ADGRL3: variants seen among roughly 807,000 people sequenced by gnomAD.
The protein encoded by ADGRL3 is calcium-independent alpha-latrotoxin receptor 3.
ADGRL3 carries 62 observed loss-of-function variants against 153.5 expected under a neutral mutation model. That is an observed-to-expected ratio of 0.40 (90% confidence interval 0.33 to 0.50). The LOEUF is 0.50. Ranked by LOEUF, ADGRL3 falls within the 20% of genes least tolerant of loss-of-function variation. The pLI, the probability that ADGRL3 is intolerant of heterozygous loss-of-function variation, is 0.47. For missense variants in ADGRL3, 1,641 were observed against 1,859.4 expected (o/e 0.88, Z 2.16); for synonymous variants, 710 against 672.5 (o/e 1.06, Z -0.86).
intron 7 of ADGRL3, among the ~76,000 whole-genome samples, chr4:61,731,431 A>AT (rs2096440638): frequency 6.6e-6 from 1 of 152,048 alleles, no homozygotes; most frequent in African/African-American, 2.4e-5. Context: ...AATTACTGTG[A>AT]TTTTCTAATT....
intron 11 of ADGRL3, among the ~76,000 whole-genome samples, chr4:61,906,001 T>C (rs1385914158): frequency 1.3e-5 from 2 of 151,910 alleles, no homozygotes; most frequent in Non-Finnish European, 2.9e-5. Flanking sequence ...GGATTTCTCT[T>C]TTCATTATAG....
intron 24 of ADGRL3, among the ~76,000 whole-genome samples, chr4:62,040,622 A>G (rs951415192): frequency 2.0e-5 from 3 of 152,120 alleles, no homozygotes; most frequent in Admixed American, 6.6e-5. Context: ...AGTGCCTCCT[A>G]TATAATGCCA....
chr4:61,353,479 A>G (rs1416645002), intron 1 of ADGRL3, among the ~76,000 whole-genome samples: 1 of 152,144 alleles, frequency 6.6e-6, no homozygotes, highest in Admixed American at 6.6e-5. Context: ...TTAAAAATAC[A>G]TATATGTAAA....
At chr4:61,395,784 T>C (rs2096861564) in intron 2 of ADGRL3, among the ~76,000 whole-genome samples, 1 of 151,900 alleles carries the variant, frequency 6.6e-6, no homozygotes, top group African/African-American at 2.4e-5. Flanking sequence ...TGAAAATGTT[T>C]TAACTGGCAT....
chr4:61,604,450 G>A (rs545724695), intron 5 of ADGRL3, among the ~76,000 whole-genome samples: 1 of 152,108 alleles, frequency 6.6e-6, no homozygotes, highest in African/African-American at 2.4e-5. Flanking sequence ...TTTTTCTCTT[G>A]GAATGAAACA....
rs533428009 is a variant in ADGRL3 at position 61,637,763 on chromosome 4, C to A, written c.474-39063C>A. On this transcript the variant is annotated intron_variant, in intron 5 of 26. Transcript: ENST00000683033. ...GTGACAGAGTGAAACTCTGTTCCCC[C>A]ACCCCCCAAAAACGTCAATAGGAAA... 1.5e-4 allele frequency among the ~76,000 whole-genome samples: 23 copies of A among 152,032 alleles called. No homozygotes were observed. The South Asian group carries it at 4.6e-3, about 30-fold the overall frequency.
At chr4:61,370,533 A>G (rs2096499585) in intron 1 of ADGRL3, among the ~76,000 whole-genome samples, 1 of 151,722 alleles carries the variant, frequency 6.6e-6, no homozygotes, top group South Asian at 2.1e-4. Flanking sequence ...CATGTAGTTG[A>G]GTGGTTTTGA....
chr4:61,748,106 C>T (rs555741262), intron 8 of ADGRL3, among the ~76,000 whole-genome samples: 1,731 of 151,480 alleles, frequency 0.011, 50 homozygotes, highest in African/African-American at 0.04. Flanking sequence ...CTCCCATTCA[C>T]AATTGCTTCA....
chr4:62,030,085 T>G (rs1164162035), intron 22 of ADGRL3, among the ~76,000 whole-genome samples: 1 of 151,582 alleles, frequency 6.6e-6, no homozygotes, highest in Non-Finnish European at 1.5e-5. Context: ...TAGTGGGCAT[T>G]TAAAGATGAA....
chr4:61,829,903 A>G (rs1169863277), intron 9 of ADGRL3, among the ~76,000 whole-genome samples: 2 of 152,140 alleles, frequency 1.3e-5, no homozygotes, highest in Non-Finnish European at 2.9e-5. Flanking sequence ...ATGGTGGTTC[A>G]TGCCTATAAT....
Position 61,625,502 on chromosome 4 carries a change from A to C in ADGRL3, c.473+38062A>C, listed in dbSNP as rs78504769. ...AATTGGTGTATGTATATATATCAGC[A>C]CATACATTCGTTACGTTGCTAATTT... On this transcript the variant is annotated intron_variant, in intron 5 of 26. Transcript: ENST00000683033. 3.7e-3 allele frequency among the ~76,000 whole-genome samples: 558 copies of C among 152,228 alleles called. 6 individuals are homozygous for C. The highest frequency in any genetic ancestry group is 0.012 in the African/African-American group (500 of 41,574).
chr4:61,637,323 C>G (rs561116535), intron 5 of ADGRL3, among the ~76,000 whole-genome samples: 1 of 151,974 alleles, frequency 6.6e-6, no homozygotes, highest in Admixed American at 6.6e-5. Context: ...AAGCGGAGAC[C>G]GGGCTCATGC....
chr4:61,903,500 A>G (rs1025833008), intron 11 of ADGRL3, among the ~76,000 whole-genome samples: 4 of 152,060 alleles, frequency 2.6e-5, no homozygotes, highest in African/African-American at 7.2e-5. Context: ...AGAATGAAAC[A>G]TTTTTGCTAT....
intron 5 of ADGRL3, among the ~76,000 whole-genome samples, chr4:61,627,880 C>T (rs1278260525): frequency 2.6e-5 from 4 of 151,986 alleles, no homozygotes; most frequent in African/African-American, 9.6e-5. Flanking sequence ...GAGTCACTGT[C>T]ATATGTTTTG....
At chr4:61,372,984 C>T (rs761053815) in intron 1 of ADGRL3, among the ~76,000 whole-genome samples, 17 of 152,002 alleles carry the variant, frequency 1.1e-4, no homozygotes, top group African/African-American at 3.9e-4. Flanking sequence ...GGGAGTGACC[C>T]GATTCTCCAG....
chr4:61,622,611 A>G (rs2092592589), intron 5 of ADGRL3, among the ~76,000 whole-genome samples: 1 of 152,120 alleles, frequency 6.6e-6, no homozygotes, highest in Non-Finnish European at 1.5e-5. Context: ...AAAAAAGAAC[A>G]GTTAACATTT....
intron 5 of ADGRL3, among the ~76,000 whole-genome samples, chr4:61,629,795 T>G (rs1343775772): frequency 8.2e-6 from 1 of 121,902 alleles, no homozygotes; most frequent in African/African-American, 3.1e-5. Flanking sequence ...CATCCAAAAA[T>G]TATAATGCAG....
intron 1 of ADGRL3, among the ~76,000 whole-genome samples, chr4:61,220,066 T>A (rs2149000566): frequency 6.8e-6 from 1 of 148,038 alleles, no homozygotes; most frequent in Non-Finnish European, 1.5e-5. Context: ...TGAGATTGCG[T>A]GCGCCATTGC....
intron 5 of ADGRL3, among the ~76,000 whole-genome samples, chr4:61,609,654 A>G (rs2099045493): frequency 6.6e-6 from 1 of 152,052 alleles, no homozygotes. Flanking sequence ...TCCTGTATGT[A>G]CAATCCTGAT....
Sources: allele counts gnomAD v4.1 joint callset (sites outside exome capture counted in the v4.1 genomes callset), GRCh38; gene constraint gnomAD v4.1.1; transcripts MANE v1.5; gene names NCBI Gene and HGNC (gene_info 2026-07-23, HGNC 2026-07-21).